ROBO2: variants seen among roughly 807,000 people sequenced by gnomAD.
The protein encoded by ROBO2 is roundabout guidance receptor 2, also known as roundabout homolog 2.
ROBO2 carries 53 observed loss-of-function variants against 160.8 expected under a neutral mutation model. The ratio of observed to expected loss-of-function variants is 0.33; its 90% CI spans 0.26 to 0.41. ROBO2 has a LOEUF of 0.41. Among genes scored for constraint, ROBO2 ranks in the 10% least tolerant of loss-of-function variants. The pLI is 1.00. For synonymous variants in ROBO2, 664 were observed against 611.7 expected, an observed-to-expected ratio of 1.09 and a Z score of -1.26; for missense variants, 1,577 against 1,722.4, an observed-to-expected ratio of 0.92 and a Z score of 1.49.
intron 2 of ROBO2, among the ~76,000 whole-genome samples, chr3:77,193,054 TA>T (rs879588255): frequency 9.2e-5 from 14 of 151,806 alleles, no homozygotes; most frequent in Non-Finnish European, 1.5e-4. Flanking sequence ...ATGCCAGCAT[TA>T]AAAAAAATAA....
At chr3:76,077,738 A>G (rs2068689242) in intron 2 of ROBO2, among the ~76,000 whole-genome samples, 1 of 152,202 alleles carries the variant, frequency 6.6e-6, no homozygotes, top group South Asian at 2.1e-4. Context: ...GAAACTTTAG[A>G]TGTAAAGACA....
intron 2 of ROBO2, among the ~76,000 whole-genome samples, chr3:76,263,850 A>C (rs1289849364): frequency 1.3e-5 from 2 of 152,188 alleles, no homozygotes; most frequent in Non-Finnish European, 2.9e-5. Flanking sequence ...CTGGATAAAG[A>C]AAATGTGGCA....
At chr3:75,965,932 C>G (rs1949094355) in intron 2 of ROBO2, among the ~76,000 whole-genome samples, 3 of 151,684 alleles carry the variant, frequency 2.0e-5, no homozygotes. Context: ...GACTTTAATG[C>G]TGTCTTTTGA....
At chr3:76,702,653 G>A (rs2093071162) in intron 2 of ROBO2, among the ~76,000 whole-genome samples, 1 of 151,940 alleles carries the variant, frequency 6.6e-6, no homozygotes, top group Non-Finnish European at 1.5e-5. Flanking sequence ...TCGAAGTTTT[G>A]TCAAAAACAA....
intron 19 of ROBO2, among the ~76,000 whole-genome samples, chr3:77,597,474 G>T (rs1278760278): frequency 1.3e-5 from 2 of 152,078 alleles, no homozygotes; most frequent in African/African-American, 4.8e-5. Flanking sequence ...CCAGTCAATA[G>T]GAGAGAGCTG....
intron 2 of ROBO2, among the ~76,000 whole-genome samples, chr3:76,046,971 T>A (rs1009596219): frequency 1.3e-5 from 2 of 152,188 alleles, no homozygotes; most frequent in African/African-American, 2.4e-5. Flanking sequence ...TGCTTCCCTA[T>A]TTTTGTATTT....
chr3:76,632,369 C>A (rs1049693219), intron 2 of ROBO2, among the ~76,000 whole-genome samples: 1 of 152,118 alleles, frequency 6.6e-6, no homozygotes, highest in Admixed American at 6.5e-5. Context: ...GTGCATTAGC[C>A]TGTTTAAGTA....
At chr3:77,430,013 T>C (rs1354235592) in intron 2 of ROBO2, among the ~76,000 whole-genome samples, 2 of 152,154 alleles carry the variant, frequency 1.3e-5, no homozygotes, top group African/African-American at 2.4e-5. Flanking sequence ...GTGATCGATA[T>C]GTTTCATATA....
intron 5 of ROBO2, among the ~76,000 whole-genome samples, chr3:77,500,523 C>T (rs968680155): frequency 2.5e-4 from 38 of 151,986 alleles, no homozygotes; most frequent in Admixed American, 2.4e-3. Context: ...TTATGAATAA[C>T]TAAATAAACA....
chr3:76,034,592 G>A (rs183093906), intron 2 of ROBO2, among the ~76,000 whole-genome samples: 8 of 150,700 alleles, frequency 5.3e-5, no homozygotes, highest in Admixed American at 1.3e-4. Flanking sequence ...TTTTGTGGGG[G>A]TAGGAAAAAT....
At chr3:76,488,700 C>G (rs2079632700) in intron 2 of ROBO2, among the ~76,000 whole-genome samples, 1 of 151,908 alleles carries the variant, frequency 6.6e-6, no homozygotes, top group African/African-American at 2.4e-5. Flanking sequence ...CCCACCGTAT[C>G]CATAGGGAGC....
At chr3:76,115,697 G>C (rs541062223) in intron 2 of ROBO2, among the ~76,000 whole-genome samples, 1 of 152,024 alleles carries the variant, frequency 6.6e-6, no homozygotes, top group Non-Finnish European at 1.5e-5. Flanking sequence ...AACATCAATT[G>C]TTTTCTCAAT....
intron 2 of ROBO2, among the ~76,000 whole-genome samples, chr3:76,700,311 A>G (rs1300756815): frequency 6.6e-6 from 1 of 152,098 alleles, no homozygotes; most frequent in Non-Finnish European, 1.5e-5. Context: ...TTACTCAAAT[A>G]TCCTTCCCAA....
intron 2 of ROBO2, among the ~76,000 whole-genome samples, chr3:76,798,996 C>T (rs954319565): frequency 2.0e-5 from 3 of 151,940 alleles, no homozygotes; most frequent in African/African-American, 7.3e-5. Context: ...GGGTGCATCA[C>T]AAGGTCAGGA....
At chr3:76,321,500 A>AACAACAACAACAAC (rs1559760276) in intron 2 of ROBO2, among the ~76,000 whole-genome samples, 1 of 150,318 alleles carries the variant, frequency 6.7e-6, no homozygotes, top group Admixed American at 6.6e-5. Context: ...CCATCTCAAA[A>AACAACAACAACAAC]AACAACAACA....
At chr3:76,320,757 G>C (rs1166510398) in intron 2 of ROBO2, among the ~76,000 whole-genome samples, 1 of 152,184 alleles carries the variant, frequency 6.6e-6, no homozygotes, top group East Asian at 1.9e-4. Context: ...GACCAGTGTG[G>C]AGAAACATAC....
intron 2 of ROBO2, among the ~76,000 whole-genome samples, chr3:76,472,871 C>G (rs963443229): frequency 2.0e-5 from 3 of 152,128 alleles, no homozygotes; most frequent in African/African-American, 7.2e-5. Flanking sequence ...ATCGCTGGGA[C>G]AGCATGTCAG....
intron 2 of ROBO2, among the ~76,000 whole-genome samples, chr3:76,413,224 G>A (rs372659536): frequency 2.6e-5 from 4 of 152,280 alleles, no homozygotes; most frequent in Non-Finnish European, 2.9e-5. Flanking sequence ...CTGGGCCTCC[G>A]GGCCTGTGAT....
intron 2 of ROBO2, among the ~76,000 whole-genome samples, chr3:76,654,820 A>C (rs192679956): frequency 3.7e-4 from 55 of 148,590 alleles, no homozygotes; most frequent in African/African-American, 1.3e-3. Flanking sequence ...AATTCAGAAA[A>C]ATTTTCCTTG....
Sources: allele counts gnomAD v4.1 joint callset (sites outside exome capture counted in the v4.1 genomes callset), GRCh38; gene constraint gnomAD v4.1.1; transcripts MANE v1.5; gene names NCBI Gene and HGNC (gene_info 2026-07-23, HGNC 2026-07-21).